Variants in STIM2 observed in about 807,000 individuals in gnomAD.
STIM2 encodes stromal interaction molecule 2.
STIM2 carries 31 observed loss-of-function variants against 85.8 expected under a neutral mutation model. That is an observed-to-expected ratio of 0.36 (90% CI 0.27 to 0.49). The LOEUF is 0.49. Ranked by LOEUF, STIM2 falls within the 20% of genes least tolerant of loss-of-function variation. The pLI, the probability that STIM2 is intolerant of heterozygous loss-of-function variation, is 0.98. For synonymous variants in STIM2, 356 were observed against 331.1 expected (o/e 1.08, Z -0.82); for missense variants, 841 against 927.6 (o/e 0.91, Z 1.21).
intron 9 of STIM2, 114 bp from the exon 10 acceptor site, chr4:27,008,650 T>C: frequency 8.5e-7 from 1 of 1,183,306 alleles, no homozygotes; most frequent in Non-Finnish European, 1.2e-6. Flanking sequence ...TAAGAGTGGG[T>C]TATTTCTTCT....
At chr4:27,000,863 T>C (rs1319541765) in intron 5 of STIM2, among the ~76,000 whole-genome samples, 1 of 152,108 alleles carries the variant, frequency 6.6e-6, no homozygotes, top group East Asian at 1.9e-4. Context: ...TTATTGAGTG[T>C]AGGACCTTAT....
chr4:26,961,528 G>A (rs1161444514), intron 3 of STIM2, among the ~76,000 whole-genome samples: 1 of 152,120 alleles, frequency 6.6e-6, no homozygotes, highest in Non-Finnish European at 1.5e-5. Context: ...TTAATGATGA[G>A]TTAAACATGA....
chr4:26,964,205 C>A (rs1300533655), intron 3 of STIM2, among the ~76,000 whole-genome samples: 1 of 152,136 alleles, frequency 6.6e-6, no homozygotes, highest in Non-Finnish European at 1.5e-5. Flanking sequence ...AAGTATGATT[C>A]CACTCATATT....
At chr4:27,006,606 A>G (rs1728366993) in intron 7 of STIM2, among the ~76,000 whole-genome samples, 1 of 152,202 alleles carries the variant, frequency 6.6e-6, no homozygotes, top group Non-Finnish European at 1.5e-5. Context: ...TCATTCCAAG[A>G]ATGAATTATC....
intron 2 of STIM2, among the ~76,000 whole-genome samples, chr4:26,955,822 TGC>T (rs1402945097): frequency 4.0e-5 from 5 of 125,548 alleles, no homozygotes; most frequent in South Asian, 2.5e-4. Flanking sequence ...GTTTTCTAAT[TGC>T]CATAATGCTG....
chr4:26,912,138 G>A (rs1193089902), intron 1 of STIM2, among the ~76,000 whole-genome samples: 1 of 152,172 alleles, frequency 6.6e-6, no homozygotes, highest in Non-Finnish European at 1.5e-5. Flanking sequence ...ATTAGTGGAA[G>A]TACTAAATAC....
At chr4:26,944,555 C>A (rs999776973) in intron 2 of STIM2, among the ~76,000 whole-genome samples, 1 of 152,006 alleles carries the variant, frequency 6.6e-6, no homozygotes, top group Non-Finnish European at 1.5e-5. Flanking sequence ...TATCTCAATG[C>A]AAATTAAAAT....
At chr4:26,951,409 C>T (rs549372164) in intron 2 of STIM2, among the ~76,000 whole-genome samples, 7 of 152,124 alleles carry the variant, frequency 4.6e-5, no homozygotes, top group Admixed American at 3.9e-4. Flanking sequence ...CCTCTTCTTG[C>T]ACCTTTTCCT....
intron 1 of STIM2, among the ~76,000 whole-genome samples, chr4:26,879,982 C>A (rs2109035297): frequency 6.6e-6 from 1 of 152,298 alleles, no homozygotes; most frequent in South Asian, 2.1e-4. Flanking sequence ...ACCTTCCTAA[C>A]TTCTTGTTAT....
chr4:26,975,786 C>G (rs899473067), intron 3 of STIM2, among the ~76,000 whole-genome samples: 2 of 152,238 alleles, frequency 1.3e-5, no homozygotes, highest in Non-Finnish European at 2.9e-5. Context: ...CTCTGCAGAG[C>G]TGTCAGACAG....
At chr4:26,903,004 G>A (rs570117004) in intron 1 of STIM2, among the ~76,000 whole-genome samples, 87 of 152,182 alleles carry the variant, frequency 5.7e-4, no homozygotes, top group African/African-American at 1.8e-3. Flanking sequence ...AATGGTAGCC[G>A]TCTTTGTGCT....
chr4:27,024,627 A>G lies in STIM2; in HGVS notation c.*1631A>G, dbSNP rs1219115973. 1 of 152,150 alleles carries G rather than the reference A, an allele frequency of 6.6e-6. No homozygotes were observed. Among genetic ancestry groups the G allele is most frequent in the Non-Finnish European group, 1.5e-5 (1 of 68,016 alleles). The allele number at this position is 152,150 out of a possible 1,614,324, so 9.4% of individuals were successfully genotyped here. On this transcript the variant is annotated 3_prime_UTR_variant, in exon 12 of 12. Transcript: ENST00000467087. ...ACTTGAATGGTATTTATATTGGCTGATATTTATATACTTAATAGATTGAGT... is the reference window on the plus strand; with the variant it reads ...ACTTGAATGGTATTTATATTGGCTGGTATTTATATACTTAATAGATTGAGT...
chr4:27,003,893 C>T (rs1238429826), intron 7 of STIM2, among the ~76,000 whole-genome samples: 9 of 152,078 alleles, frequency 5.9e-5, no homozygotes, highest in Admixed American at 5.9e-4. Context: ...CCCATCATTC[C>T]AGCCTCTACT....
chr4:26,923,461 T>A (rs1405259033), intron 2 of STIM2, among the ~76,000 whole-genome samples: 2 of 149,150 alleles, frequency 1.3e-5, no homozygotes, highest in African/African-American at 4.9e-5. Flanking sequence ...AAATACTTTA[T>A]AGACAAGCAA....
Position 26,989,825 on chromosome 4 carries a change from A to G in STIM2, c.398-5554A>G, listed in dbSNP as rs1727703189. 2.0e-5 allele frequency among the ~76,000 whole-genome samples: 3 copies of G among 152,178 alleles called. No individual in the cohort carries two copies. The South Asian group carries it at 6.2e-4, about 31-fold the overall frequency. On this transcript the variant is annotated intron_variant, in intron 3 of 11. Transcript: ENST00000467087. ...GCATCTCTATACATTAGCAGAGATC[A>G]CTCTGAAAAAGAAATCAAGAAAGCA...
At chr4:26,942,552 CAAA>C (rs1725651459) in intron 2 of STIM2, among the ~76,000 whole-genome samples, 3 of 152,042 alleles carry the variant, frequency 2.0e-5, no homozygotes. Context: ...ATTACACCAC[CAAA>C]ATTATTCTTA....
chr4:27,008,119 T>C (rs1728432587), intron 8 of STIM2: 2 of 657,116 alleles, frequency 3.0e-6, no homozygotes, highest in South Asian at 3.6e-5. Flanking sequence ...ACTAGCACCA[T>C]TGTAGTATAA....
chr4:26,885,008 A>G (rs953080824), intron 1 of STIM2, among the ~76,000 whole-genome samples: 11 of 152,206 alleles, frequency 7.2e-5, no homozygotes, highest in Admixed American at 5.9e-4. Flanking sequence ...TTGGAGTCAA[A>G]TTATTTCTAA....
intron 1 of STIM2, among the ~76,000 whole-genome samples, chr4:26,900,739 G>T (rs10023256): frequency 0.48 from 72,982 of 151,912 alleles, 17,586 homozygotes; most frequent in East Asian, 0.63. Flanking sequence ...AATTAATATT[G>T]TCTTTAAATT....
Sources: allele counts gnomAD v4.1 joint callset (sites outside exome capture counted in the v4.1 genomes callset), GRCh38; gene constraint gnomAD v4.1.1; transcripts MANE v1.5; gene names NCBI Gene and HGNC (gene_info 2026-07-23, HGNC 2026-07-21).